Variants in GMDS observed in about 807,000 individuals in gnomAD.
GMDS encodes the protein GDP-mannose 4,6-dehydratase.
Under a neutral mutation model 49.9 loss-of-function variants are expected in GMDS, and 20 were observed. The ratio of observed to expected loss-of-function variants is 0.40; its 90% CI spans 0.28 to 0.58. The LOEUF (loss-of-function observed/expected upper bound fraction) is 0.58, where lower values mean the gene tolerates loss of function less well. Among genes scored for constraint, GMDS ranks in the 20% least tolerant of loss-of-function variants. The pLI, the probability that GMDS is intolerant of heterozygous loss-of-function variation, is 0.42. For missense variants in GMDS, 362 were observed against 481.4 expected (o/e 0.75, Z 2.32); for synonymous variants, 177 against 178.6 (o/e 0.99, Z 0.07).
intron 4 of GMDS, among the ~76,000 whole-genome samples, chr6:1,978,341 C>T (rs1411819889): frequency 6.6e-6 from 1 of 152,178 alleles, no homozygotes; most frequent in Non-Finnish European, 1.5e-5. Context: ...GCTCTGATGT[C>T]TCCCTGGGAT....
chr6:2,170,888 G>A (rs942524014), intron 1 of GMDS, among the ~76,000 whole-genome samples: 3 of 151,638 alleles, frequency 2.0e-5, no homozygotes, highest in African/African-American at 7.3e-5. Context: ...CCAGCTACTC[G>A]GGAGGCTGAG....
intron 4 of GMDS, among the ~76,000 whole-genome samples, chr6:2,034,255 T>A (rs767843134): frequency 4.6e-5 from 7 of 152,232 alleles, no homozygotes; most frequent in African/African-American, 7.2e-5. Flanking sequence ...TCATCTTTGC[T>A]GTTTTTCTTT....
intron 9 of GMDS, among the ~76,000 whole-genome samples, chr6:1,691,157 T>C (rs1273405740): frequency 2.6e-5 from 4 of 152,164 alleles, no homozygotes; most frequent in Admixed American, 1.3e-4. Flanking sequence ...AGTACATATA[T>C]ACCATGGAAT....
chr6:1,799,666 A>G (rs1468199734), intron 7 of GMDS, among the ~76,000 whole-genome samples: 2 of 152,086 alleles, frequency 1.3e-5, no homozygotes, highest in Non-Finnish European at 2.9e-5. Context: ...CTGGGGAGGG[A>G]GGGAGAATTA....
intron 7 of GMDS, among the ~76,000 whole-genome samples, chr6:1,901,502 A>T (rs1033951298): frequency 6.6e-6 from 1 of 152,242 alleles, no homozygotes; most frequent in African/African-American, 2.4e-5. Flanking sequence ...AAGGAATTGC[A>T]GTAACTCCTT....
At chr6:2,120,224 T>C (rs1172581449) in intron 2 of GMDS, among the ~76,000 whole-genome samples, 1 of 152,164 alleles carries the variant, frequency 6.6e-6, no homozygotes, top group Non-Finnish European at 1.5e-5. Flanking sequence ...TCCCATTCCA[T>C]GAATGAGGAT....
intron 4 of GMDS, among the ~76,000 whole-genome samples, chr6:2,063,107 T>C (rs555736582): frequency 2.0e-5 from 3 of 152,354 alleles, no homozygotes; most frequent in Non-Finnish European, 2.9e-5. Context: ...GTCTGCTTCA[T>C]TGCTACCTCC....
intron 9 of GMDS, chr6:1,679,821 C>T (rs745928971): frequency 1.3e-5 from 2 of 152,172 alleles, no homozygotes; most frequent in Non-Finnish European, 2.9e-5. Context: ...CATTACAAAA[C>T]AAATCTTAGC....
intron 7 of GMDS, among the ~76,000 whole-genome samples, chr6:1,845,796 C>T (rs1158292489): frequency 1.3e-5 from 2 of 152,164 alleles, no homozygotes; most frequent in Non-Finnish European, 2.9e-5. Context: ...AATGCTACCA[C>T]TGATCTGACA....
intron 4 of GMDS, among the ~76,000 whole-genome samples, chr6:1,992,998 G>A (rs531473401): frequency 1.3e-5 from 2 of 152,312 alleles, no homozygotes; most frequent in East Asian, 1.9e-4. Context: ...TGAATGAAAA[G>A]AAAGAACTAT....
At chr6:1,855,657 A>AAT (rs1757908015) in intron 7 of GMDS, among the ~76,000 whole-genome samples, 1 of 152,232 alleles carries the variant, frequency 6.6e-6, no homozygotes, top group Non-Finnish European at 1.5e-5. Context: ...AACTGGACCA[A>AAT]GTGATAAAAA....
intron 4 of GMDS, among the ~76,000 whole-genome samples, chr6:2,088,995 A>T (rs1355757177): frequency 6.6e-6 from 1 of 152,238 alleles, no homozygotes; most frequent in African/African-American, 2.4e-5. Flanking sequence ...TCCAGTGAAC[A>T]TTTATTGGGC....
At chr6:1,752,933 C>A (rs1767789223) in intron 7 of GMDS, among the ~76,000 whole-genome samples, 1 of 152,116 alleles carries the variant, frequency 6.6e-6, no homozygotes, top group Admixed American at 6.5e-5. Context: ...CAAAAACATG[C>A]CAAATTGTAA....
intron 6 of GMDS, among the ~76,000 whole-genome samples, chr6:1,940,419 C>T (rs1477322669): frequency 1.3e-5 from 2 of 152,216 alleles, no homozygotes; most frequent in Non-Finnish European, 2.9e-5. Context: ...CGCCTTGGGG[C>T]CCTGCATTTT....
intron 7 of GMDS, among the ~76,000 whole-genome samples, chr6:1,759,932 G>A (rs1768096218): frequency 6.7e-6 from 1 of 149,660 alleles, no homozygotes; most frequent in East Asian, 2.0e-4. Flanking sequence ...CGGTTTCCAT[G>A]GATGGAGACC....
At chr6:1,847,683 G>A (rs189746654) in intron 7 of GMDS, among the ~76,000 whole-genome samples, 49 of 152,134 alleles carry the variant, frequency 3.2e-4, no homozygotes, top group African/African-American at 4.1e-4. Flanking sequence ...TTAGTAATCC[G>A]AATGTACCAC....
intron 9 of GMDS, among the ~76,000 whole-genome samples, chr6:1,628,129 G>A (rs1762898860): frequency 1.3e-5 from 2 of 152,216 alleles, no homozygotes; most frequent in Non-Finnish European, 2.9e-5. Context: ...ATGTTTGGCT[G>A]CAGCCATTTT....
intron 7 of GMDS, among the ~76,000 whole-genome samples, chr6:1,880,284 C>CAAAAAA (rs34490393): frequency 3.9e-4 from 23 of 59,122 alleles, no homozygotes; most frequent in African/African-American, 1.6e-3. Context: ...CTCATTTCCA[C>CAAAAAA]AAAAAAAAAA....
intron 9 of GMDS, among the ~76,000 whole-genome samples, chr6:1,725,584 C>T (rs1280800912): frequency 6.6e-6 from 1 of 152,150 alleles, no homozygotes; most frequent in East Asian, 1.9e-4. Flanking sequence ...CAGGCATGCG[C>T]TACCACACCC....
Sources: gnomAD v4.1 joint callset for allele counts (sites outside exome capture counted in the v4.1 genomes callset) on GRCh38, gnomAD v4.1.1 for gene constraint, MANE v1.5 for transcripts, NCBI Gene and HGNC (gene_info 2026-07-23, HGNC 2026-07-21) for gene names.